CSNK1E: variants seen among roughly 807,000 people sequenced by gnomAD.
CSNK1E encodes the protein casein kinase I isoform epsilon.
A neutral mutation model predicts 46.1 loss-of-function variants in CSNK1E; 17 were observed. The observed-to-expected ratio is 0.37, with a 90% CI of 0.25 to 0.55. CSNK1E has a LOEUF of 0.55. CSNK1E is among the 20% of genes least tolerant of loss of function. The pLI is 0.82. For synonymous variants in CSNK1E, 241 were observed against 242.6 expected, an observed-to-expected ratio of 0.99 and a Z score of 0.06; for missense variants, 386 against 595.4, an observed-to-expected ratio of 0.65 and a Z score of 3.66.
At chr22:38,293,113 C>A in intron 10 of CSNK1E, 142 bp downstream of exon 10, 1 of 713,818 alleles carries the variant, frequency 1.4e-6, no homozygotes, top group Non-Finnish European at 2.5e-6. Context: ...CTACTTGAGG[C>A]CCCTTAGAGT....
At chr22:38,296,488 C>A in intron 7 of CSNK1E, 1 of 1,569,362 alleles carries the variant, frequency 6.4e-7, no homozygotes, top group Non-Finnish European at 8.6e-7. Context: ...GTTCCCATTG[C>A]ATGTTTTCCA....
At chr22:38,305,666 C>CT (rs1225662285) in intron 2 of CSNK1E, among the ~76,000 whole-genome samples, 2 of 152,074 alleles carry the variant, frequency 1.3e-5, no homozygotes, top group Non-Finnish European at 2.9e-5. Context: ...ATAGAAAAGC[C>CT]TTACTCATAG....
At chr22:38,304,979 G>A (rs1031097692) in intron 2 of CSNK1E, among the ~76,000 whole-genome samples, 22 of 151,992 alleles carry the variant, frequency 1.4e-4, no homozygotes, top group Admixed American at 4.6e-4. Flanking sequence ...AAAATTAGCC[G>A]GGCGCAGTGG....
At position 38,294,414 on chromosome 22, in the gene CSNK1E, C is replaced by T; in HGVS notation, c.1006G>A (p.Ala336Thr). The T allele has an allele frequency of 1.3e-6, 2 of 1,558,562 alleles. No homozygotes were observed. The highest frequency in any genetic ancestry group is 1.7e-4 in the Middle Eastern group (1 of 5,738). The part of the protein sequence containing the change: ...RALPPGPPTG[A>T]TANRLRSAAE... ...GCACTGCGGAGCCGGTTGGCAGTGG[C>T]CCCCGTGGGTGGGCCAGGGGGCAGG... is the stretch of plus-strand genomic sequence containing the variant. Residue 336 changes from alanine to threonine, a missense_variant, in exon 8 of 11, where the codon GCC becomes ACC. By Grantham distance (58) the Ala-to-Thr change is moderately conservative. Transcript: ENST00000396832. This position sits in a 1 kb window ranked among gnomAD's most constrained non-coding sequence, Gnocchi z 5.5.
In CSNK1E at chr22:38,294,511, A is replaced by G. The variant is rs1401885854; in HGVS notation, c.909T>C (p.Asp303=). The G allele has an allele frequency of 1.9e-6, 3 of 1,595,402 alleles. No homozygotes were observed. Among genetic ancestry groups the G allele is most frequent in the Non-Finnish European group, 2.6e-6 (3 of 1,172,206 alleles). Residue 303 remains aspartate (D), a synonymous_variant, in exon 8 of 11, where the codon GAT becomes GAC. Transcript: ENST00000396832. The surrounding 1 kb of genome is among the most constrained non-coding windows in gnomAD (Gnocchi z 5.5). ...CGTGTTCTCGCCGCTCCCGGTCCAC[A>G]TCCTCGGGATTCCGGGCTGCACCCT... The part of the protein sequence containing the change: ...LKFGAARNPE[D]VDRERREHER...
chr22:38,298,577 C>A lies in CSNK1E; in HGVS notation c.885+209G>T. The stretch of plus-strand genomic sequence containing the variant: ...CCTTGTTCCGACGGGAGACAGCGCC[C>A]TGCCTGGGCCCTGCTGCCCATGGTG... On this transcript the variant is annotated intron_variant, in intron 7 of 10. Transcript: ENST00000396832. The surrounding 1 kb of genome is among the most constrained non-coding windows in gnomAD (Gnocchi z 4.2). 1 of 598,382 alleles carries A rather than the reference C, an allele frequency of 1.7e-6. No homozygotes were observed. The highest frequency in any genetic ancestry group is 1.9e-5 in the South Asian group (1 of 51,926). 37.1% of individuals were successfully genotyped at this position (598,382 alleles called of 1,614,324 possible).
chr22:38,296,680 T>C, intron 7 of CSNK1E: 1 of 1,612,136 alleles, frequency 6.2e-7, no homozygotes, highest in Non-Finnish European at 8.5e-7. Flanking sequence ...GGAGAGGTGC[T>C]CCTGGCCTGG....
chr22:38,300,648 G>A lies in CSNK1E; in HGVS notation c.565+76C>T. The A allele has an allele frequency of 1.4e-6, 2 of 1,405,970 alleles. No individual in the cohort carries two copies. The highest frequency in any genetic ancestry group is 2.0e-6 in the Non-Finnish European group (2 of 1,005,890). 87.1% of individuals were successfully genotyped at this position (1,405,970 alleles called of 1,614,324 possible). A position where few individuals can be genotyped will look rare whatever the true frequency, so the allele number is the denominator to read the frequency against. Reference sequence around the variant, plus strand: ...GCCTGGGGGCCTCCATCAGGGTAGGGGGTGAGAGGGCTCCAGAGAGCTGGG... The same window carrying A: ...GCCTGGGGGCCTCCATCAGGGTAGGAGGTGAGAGGGCTCCAGAGAGCTGGG... On this transcript the variant is annotated intron_variant, in intron 5 of 10. Coordinates refer to ENST00000396832, the MANE Select transcript of CSNK1E (RefSeq NM_152221.3). This position sits in a 1 kb window ranked among gnomAD's most constrained non-coding sequence, Gnocchi z 4.4.
intron 2 of CSNK1E, among the ~76,000 whole-genome samples, chr22:38,307,477 G>A (rs2092703445): frequency 6.6e-6 from 1 of 151,708 alleles, no homozygotes; most frequent in South Asian, 2.1e-4. Context: ...CTTGAACCTG[G>A]GAGGCGGAGG....
intron 1 of CSNK1E, chr22:38,316,925 G>C (rs929237698): frequency 1.3e-5 from 2 of 151,520 alleles, no homozygotes; most frequent in African/African-American, 4.8e-5. Flanking sequence ...CGGCCGGGGG[G>C]CCTCCCCCGC....
rs2092710625 is a variant in CSNK1E at position 38,309,125 on chromosome 22, T to C, written c.76+4957A>G. Among the ~76,000 whole-genome samples the C allele has an allele frequency of 6.6e-6, 1 of 152,174 alleles. No homozygotes were observed. The highest frequency in any genetic ancestry group is 2.4e-5 in the African/African-American group (1 of 41,440). On this transcript the variant is annotated intron_variant, in intron 2 of 10. Coordinates refer to ENST00000396832, the MANE Select transcript of CSNK1E (RefSeq NM_152221.3). This position sits in a 1 kb window ranked among gnomAD's most constrained non-coding sequence, Gnocchi z 4.8. ...AGGGCACCCCTTTCCCCCTGAATTG[T>C]AACAACCAAAAGGTCTCCAGATCTT...
Position 38,315,039 on chromosome 22 carries a change from G to A in CSNK1E, c.-12-870C>T, listed in dbSNP as rs2092737985. On this transcript the variant is annotated intron_variant, in intron 1 of 10. Coordinates refer to ENST00000396832, the MANE Select transcript of CSNK1E (RefSeq NM_152221.3). ...TAAACAGGGGGAGGGGTGTTTACAA[G>A]AGGACCAGCATCAAGGACTAGCAAG... 2.0e-5 allele frequency among the ~76,000 whole-genome samples: 3 copies of A among 152,210 alleles called. No individual in the cohort carries two copies. The South Asian group carries it at 6.2e-4, about 32-fold the overall frequency.
intron 2 of CSNK1E, among the ~76,000 whole-genome samples, chr22:38,308,223 T>C (rs2092706639): frequency 6.6e-6 from 1 of 152,222 alleles, no homozygotes; most frequent in African/African-American, 2.4e-5. Context: ...AGTATTTGGA[T>C]TTTTAATAAA....
intron 1 of CSNK1E, among the ~76,000 whole-genome samples, chr22:38,316,146 A>AG (rs1310009208): frequency 2.6e-5 from 4 of 152,110 alleles, no homozygotes; most frequent in Admixed American, 2.6e-4. Context: ...GTGGATATAA[A>AG]GGTTCAAGAG....
Position 38,302,901 on chromosome 22 carries a change from T to C in CSNK1E, c.296A>G (p.Lys99Arg). 6.2e-7 allele frequency: 1 copy of C among 1,614,036 alleles called. No homozygotes were observed. Among genetic ancestry groups the C allele is most frequent in the Non-Finnish European group, 8.5e-7 (1 of 1,179,994 alleles). ...LEDLFNFCSRKFSLKTVLLLA... is the reference protein window; with the variant it reads ...LEDLFNFCSRRFSLKTVLLLA... ...GAGCAGCACCGTCTTGAGGCTGAAT[T>C]TGCGGGAACAGAAGTTGAACAGGTC... The change falls in exon 4 of 11, where the codon AAA becomes AGA. Residue 99 changes from lysine (K) to arginine (R), a missense_variant. Lys to Arg is a conservative substitution (Grantham distance 26, BLOSUM62 2). Around this residue, in one of 2 missense-constraint regions of CSNK1E, gnomAD observed 212 missense variants for 410.2 expected, o/e 0.52. Transcript: ENST00000396832.
chr22:38,296,261 C>CG, intron 7 of CSNK1E: 1 of 1,173,196 alleles, frequency 8.5e-7, no homozygotes, highest in Non-Finnish European at 1.1e-6. Context: ...CAAAGTCACA[C>CG]GAGCATCCAC....
At position 38,291,891 on chromosome 22, in the gene CSNK1E, T is replaced by C. The variant is rs1027195153; in HGVS notation, c.*80A>G. The stretch of plus-strand genomic sequence containing the variant: ...GTTGTTCTTTTGAGTGGTTTATTTT[T>C]GCCTTTTTTTTTTTTTTTTTTTTTT... On this transcript the variant is annotated 3_prime_UTR_variant, in exon 11 of 11. Transcript: ENST00000396832. 7.6e-6 allele frequency: 1 copy of C among 131,486 alleles called. No homozygotes were observed. The allele number at this position is 131,486 out of a possible 1,614,324, so 8.1% of individuals were successfully genotyped here.
rs2092712306 is a variant in CSNK1E at position 38,309,577 on chromosome 22, CCCGAGT to C, written c.76+4499_76+4504del. Among the ~76,000 whole-genome samples the C allele has an allele frequency of 6.6e-6, 1 of 152,038 alleles. No homozygotes were observed. Among genetic ancestry groups the C allele is most frequent in the Non-Finnish European group, 1.5e-5 (1 of 68,012 alleles). ...TCAAGCGATTCTCATGCCTCAGCCT[CCCGAGT>C]AACTGGGATTACAAGCAGACACCAC... is the stretch of plus-strand genomic sequence containing the variant. On this transcript the variant is annotated intron_variant, in intron 2 of 10. Transcript: ENST00000396832. This position sits in a 1 kb window ranked among gnomAD's most constrained non-coding sequence, Gnocchi z 4.8.
In CSNK1E at chr22:38,298,895, C is replaced by T. The variant is rs147138271; in HGVS notation, c.776G>A (p.Arg259Gln). 2 of 1,614,044 alleles carry T rather than the reference C, an allele frequency of 1.2e-6. No homozygotes were observed. The highest frequency in any genetic ancestry group is 1.3e-5 in the African/African-American group (1 of 74,910). The change falls in exon 7 of 11, where the codon CGG becomes CAG. Residue 259 changes from arginine (R) to glutamine (Q), a missense_variant. Transcript: ENST00000396832. This position sits in a 1 kb window ranked among gnomAD's most constrained non-coding sequence, Gnocchi z 4.2. ...STYLNFCRSL[R>Q]FDDKPDYSYL... ...AGAGTAGTCGGGCTTGTCGTCAAAC[C>T]GCAGGGAGCGGCAGAAGTTGAGGTA...
Sources: gnomAD v4.1 joint callset for allele counts (sites outside exome capture counted in the v4.1 genomes callset) on GRCh38, gnomAD v4.1.1 for gene constraint, gnomAD v4.1.1 regional missense constraint, Gnocchi (gnomAD v3.1) non-coding constraint, MANE v1.5 for transcripts, NCBI Gene and HGNC (gene_info 2026-07-23, HGNC 2026-07-21) for gene names.